The following DLC1 variants were observed in gnomAD, a reference collection of about 807,000 sequenced individuals.
The protein encoded by DLC1 is rho GTPase-activating protein 7.
In DLC1, 54 loss-of-function variants were observed where a neutral mutation model predicts 140.3. That is an observed-to-expected ratio of 0.38 (90% confidence interval 0.31 to 0.48). DLC1 has a LOEUF of 0.48. Among genes scored for constraint, DLC1 ranks in the 20% least tolerant of loss-of-function variants. The pLI is 0.96. For missense variants in DLC1, 2,536 were observed against 1,907.0 expected (o/e 1.33, Z -6.14); for synonymous variants, 986 against 728.1 (o/e 1.35, Z -5.70).
chr8:13,509,711 G>C (rs1802266923), intron 1 of DLC1, among the ~76,000 whole-genome samples: 1 of 152,142 alleles, frequency 6.6e-6, no homozygotes. Context: ...TGATAGGGAA[G>C]AATTTTGGCA....
chr8:13,587,700 G>C (rs979451180), intron 1 of DLC1, among the ~76,000 whole-genome samples: 18 of 150,452 alleles, frequency 1.2e-4, no homozygotes, highest in African/African-American at 4.1e-4. Flanking sequence ...CATAAGTTCT[G>C]TTTACCTGGG....
intron 1 of DLC1, chr8:13,558,791 C>T (rs1286910181): frequency 3.3e-5 from 5 of 152,142 alleles, no homozygotes; most frequent in Non-Finnish European, 7.3e-5. Context: ...AGTTTCTTCT[C>T]AATCTCTGTT....
intron 2 of DLC1, among the ~76,000 whole-genome samples, chr8:13,405,899 T>C (rs1271680367): frequency 4.1e-5 from 6 of 145,590 alleles, no homozygotes; most frequent in Non-Finnish European, 6.0e-5. Flanking sequence ...CTTTCTTTCT[T>C]TTTCTTTCTT....
intron 4 of DLC1, among the ~76,000 whole-genome samples, chr8:13,368,292 T>A (rs1485887761): frequency 6.6e-6 from 1 of 152,104 alleles, no homozygotes; most frequent in Non-Finnish European, 1.5e-5. Context: ...ATTACCAAAC[T>A]CAAATTCATA....
chr8:13,393,630 A>T lies in DLC1; in HGVS notation c.1237T>A (p.Leu413Met), dbSNP rs143447199. The T allele has an allele frequency of 5.8e-5, 93 of 1,614,006 alleles. No individual in the cohort carries two copies. Among genetic ancestry groups the T allele is most frequent in the East Asian group, 1.6e-4 (7 of 44,884 alleles). The change falls in exon 4 of 18, where the codon TTG (leucine) becomes ATG (methionine). Residue 413 changes from leucine to methionine, a missense_variant. Physicochemically the swap from Leu to Met is conservative, Grantham distance 15. Coordinates refer to ENST00000276297, the MANE Select transcript of DLC1 (RefSeq NM_182643.3). Reference protein sequence around the residue: ...TISVNQTRVNLSSDTESTDLP... With the variant: ...TISVNQTRVNMSSDTESTDLP... ...TCCGTGGACTCAGTGTCAGAAGACA[A>T]ATTTACTCGTGTCTGATTTACTGAA...
chr8:13,377,368 A>G (rs926011204), intron 4 of DLC1, among the ~76,000 whole-genome samples: 6 of 152,232 alleles, frequency 3.9e-5, no homozygotes, highest in African/African-American at 7.2e-5. Context: ...ATGGTCACAA[A>G]TATGAACAAT....
intron 7 of DLC1, among the ~76,000 whole-genome samples, chr8:13,108,212 G>C (rs761561927): frequency 1.6e-4 from 24 of 152,148 alleles, no homozygotes; most frequent in Non-Finnish European, 3.5e-4. Context: ...TTACAAACCA[G>C]TTGATGACTA....
chr8:13,446,923 C>T (rs921380656), intron 2 of DLC1, among the ~76,000 whole-genome samples: 2 of 134,986 alleles, frequency 1.5e-5, no homozygotes, highest in African/African-American at 5.6e-5. Flanking sequence ...GCCTGGGTAA[C>T]AAAAGTGAAA....
At chr8:13,579,356 T>TAAA (rs1804978533) in intron 1 of DLC1, among the ~76,000 whole-genome samples, 5 of 30,382 alleles carry the variant, frequency 1.6e-4, no homozygotes, top group African/African-American at 6.4e-4. Flanking sequence ...TATATATATA[T>TAAA]ATATATTTTT....
chr8:13,573,752 T>G (rs1804745209), intron 1 of DLC1, among the ~76,000 whole-genome samples: 1 of 152,188 alleles, frequency 6.6e-6, no homozygotes, highest in African/African-American at 2.4e-5. Context: ...GCTCATAACC[T>G]CACCTTTGCA....
At chr8:13,326,525 C>T (rs1274665237) in intron 4 of DLC1, among the ~76,000 whole-genome samples, 1 of 152,172 alleles carries the variant, frequency 6.6e-6, no homozygotes, top group Non-Finnish European at 1.5e-5. Flanking sequence ...CAACTGGAGC[C>T]AGCTTATTAA....
chr8:13,490,646 G>C (rs1193907319), intron 2 of DLC1, among the ~76,000 whole-genome samples: 2 of 152,068 alleles, frequency 1.3e-5, no homozygotes, highest in Admixed American at 1.3e-4. Flanking sequence ...TAATAAATTG[G>C]TCATGGTTTA....
At chr8:13,584,818 C>T (rs1279443852) in intron 1 of DLC1, among the ~76,000 whole-genome samples, 1 of 152,152 alleles carries the variant, frequency 6.6e-6, no homozygotes, top group African/African-American at 2.4e-5. Flanking sequence ...CCAGGCTCTT[C>T]CTACCCAATC....
intron 1 of DLC1, among the ~76,000 whole-genome samples, chr8:13,582,682 T>G (rs1184055346): frequency 6.6e-6 from 1 of 151,556 alleles, no homozygotes; most frequent in Non-Finnish European, 1.5e-5. Flanking sequence ...CTTAATAAAC[T>G]TCCATATATA....
intron 5 of DLC1, among the ~76,000 whole-genome samples, chr8:13,166,620 G>A (rs936724252): frequency 2.6e-5 from 4 of 152,198 alleles, no homozygotes; most frequent in South Asian, 2.1e-4. Context: ...GGCATAAGCC[G>A]TGGCTCCAGG....
chr8:13,565,187 C>A (rs915956519), intron 1 of DLC1, among the ~76,000 whole-genome samples: 4 of 152,050 alleles, frequency 2.6e-5, no homozygotes, highest in Non-Finnish European at 5.9e-5. Context: ...AATTTCCCAC[C>A]CACATATATC....
chr8:13,297,011 C>T (rs1370122372), intron 5 of DLC1, among the ~76,000 whole-genome samples: 2 of 151,706 alleles, frequency 1.3e-5, no homozygotes, highest in African/African-American at 2.4e-5. Context: ...AAAATACCAA[C>T]AGAAAATGAA....
intron 1 of DLC1, among the ~76,000 whole-genome samples, chr8:13,556,222 T>C (rs1463291172): frequency 6.6e-6 from 1 of 152,096 alleles, no homozygotes; most frequent in Non-Finnish European, 1.5e-5. Context: ...ATTTCATAGA[T>C]CTGGGACAGA....
At chr8:13,587,570 G>C (rs9650365) in intron 1 of DLC1, among the ~76,000 whole-genome samples, 56,034 of 137,848 alleles carry the variant, frequency 0.41, 11,113 homozygotes, top group Non-Finnish European at 0.44. Flanking sequence ...CACACACACA[G>C]AGAGAGAGAA....
Sources: gnomAD v4.1 joint callset for allele counts (sites outside exome capture counted in the v4.1 genomes callset) on GRCh38, gnomAD v4.1.1 for gene constraint, MANE v1.5 for transcripts, NCBI Gene and HGNC (gene_info 2026-07-23, HGNC 2026-07-21) for gene names.